P2RX6: variants seen among roughly 807,000 people sequenced by gnomAD.
P2RX6 encodes the protein P2X purinoceptor 6.
P2RX6 carries 62 observed loss-of-function variants against 54.2 expected under a neutral mutation model. The ratio of observed to expected loss-of-function variants is 1.14; its 90% CI spans 0.93 to 1.41. The LOEUF (loss-of-function observed/expected upper bound fraction) is 1.41, where lower values mean the gene tolerates loss of function less well. P2RX6 is among the 40% of genes most tolerant of loss of function. P2RX6 has a pLI of 0.00. For synonymous variants in P2RX6, 211 were observed against 231.9 expected (o/e 0.91, Z 0.82); for missense variants, 541 against 566.3 (o/e 0.96, Z 0.45).
intron 8 of P2RX6, among the ~76,000 whole-genome samples, chr22:21,024,498 G>A (rs1056788326): frequency 1.3e-5 from 2 of 151,760 alleles, no homozygotes; most frequent in East Asian, 1.9e-4. Flanking sequence ...GGATGGTCTC[G>A]ATCTCTTGAC....
chr22:21,015,975 G>C lies in P2RX6; in HGVS notation c.198G>C (p.Glu66Asp), dbSNP rs1006295179. 6 of 1,549,976 alleles carry C rather than the reference G, an allele frequency of 3.9e-6. No individual in the cohort carries two copies. Among genetic ancestry groups the C allele is most frequent in the Non-Finnish European group, 4.4e-6 (5 of 1,147,088 alleles). ...TCCTCGCCAAAAAAGGCTACCAGGA[G>C]CGGGACCTGGAACCCCAGTTTTCCA... ...WALLAKKGYQ[E>D]RDLEPQFSII... The change falls in exon 2 of 12, where the codon GAG becomes GAC. Residue 66 changes from glutamate to aspartate, a missense_variant. This residue lies in a region of P2RX6 where 526 missense variants were observed against 531.5 expected (regional missense o/e 0.99). Coordinates refer to ENST00000413302, the MANE Select transcript of P2RX6 (RefSeq NM_005446.5).
At chr22:21,012,662 G>C (rs187492807), upstream of P2RX6, 127 of 507,466 alleles carry the variant, frequency 2.5e-4, no homozygotes, top group African/African-American at 2.2e-3. Flanking sequence ...CGGCGCCCTG[G>C]GACAGACAGA....
intron 3 of P2RX6, among the ~76,000 whole-genome samples, chr22:21,019,116 T>C (rs1408570992): frequency 1.3e-5 from 2 of 152,172 alleles, no homozygotes; most frequent in Non-Finnish European, 2.9e-5. Context: ...GTTTGAACTA[T>C]TGGGACTCAG....
chr22:21,022,383 A>AT (rs1927559132), intron 3 of P2RX6, among the ~76,000 whole-genome samples: 1 of 152,130 alleles, frequency 6.6e-6, no homozygotes, highest in Non-Finnish European at 1.5e-5. Context: ...CTAAAAATAA[A>AT]TTTTTTGAAA....
intron 2 of P2RX6, among the ~76,000 whole-genome samples, chr22:21,016,311 G>A (rs1387945572): frequency 6.6e-6 from 1 of 152,182 alleles, no homozygotes; most frequent in African/African-American, 2.4e-5. Context: ...AAGAAGCCAG[G>A]CCAGGGTTGG....
chr22:21,017,058 C>CCCATG (rs1263317837), intron 2 of P2RX6, among the ~76,000 whole-genome samples: 2 of 152,174 alleles, frequency 1.3e-5, no homozygotes, highest in East Asian at 1.9e-4. Flanking sequence ...TTCACCACTA[C>CCCATG]CCATGCCATG....
At chr22:21,017,931 T>C (rs1438506627) in intron 2 of P2RX6, 58 bp from the exon 3 acceptor site, 1 of 1,105,292 alleles carries the variant, frequency 9.0e-7, no homozygotes, top group East Asian at 2.4e-5. Flanking sequence ...GCTGCCGGCT[T>C]CCGGCCTTTC....
chr22:21,013,520 A>G (rs2147991058), upstream of P2RX6, among the ~76,000 whole-genome samples: 1 of 152,338 alleles, frequency 6.6e-6, no homozygotes, highest in South Asian at 2.1e-4. Context: ...TGCAGAGTTC[A>G]AGGATGCAGT....
upstream of P2RX6, chr22:21,013,081 G>C (rs1925843215): frequency 6.2e-6 from 1 of 161,224 alleles, no homozygotes; most frequent in Non-Finnish European, 1.4e-5. Context: ...TCAGCTCTGG[G>C]GCACTCCCTT....
chr22:21,011,023 G>C (rs868089239), upstream of P2RX6, among the ~76,000 whole-genome samples: 1 of 152,034 alleles, frequency 6.6e-6, no homozygotes, highest in African/African-American at 2.4e-5. Flanking sequence ...TTTAAAGCAG[G>C]GGGTCCCCAT....
chr22:21,015,879 T>C (rs1190910006), intron 1 of P2RX6, 63 bp from the exon 2 acceptor site: 15 of 1,502,542 alleles, frequency 1.0e-5, no homozygotes, highest in South Asian at 3.8e-5. Context: ...CATGTAGGGC[T>C]CAGCTCCGCC....
At chr22:21,020,577 A>ATCTTTTTTTTTTTTT (rs71813933) in intron 3 of P2RX6, among the ~76,000 whole-genome samples, 1 of 145,720 alleles carries the variant, frequency 6.9e-6, no homozygotes, top group South Asian at 2.2e-4. Flanking sequence ...CTTGAGCAGA[A>ATCTTTTTTTTTTTTT]TCTTTTTTTT....
intron 3 of P2RX6, chr22:21,018,299 G>C: frequency 2.0e-6 from 1 of 508,152 alleles, no homozygotes. Flanking sequence ...CAGTGAGGTT[G>C]AGTCACTTTC....
At chr22:21,020,954 A>C (rs1927283669) in intron 3 of P2RX6, among the ~76,000 whole-genome samples, 1 of 152,030 alleles carries the variant, frequency 6.6e-6, no homozygotes, top group Non-Finnish European at 1.5e-5. Flanking sequence ...ATGTCGACAC[A>C]GAGGGGGCTT....
chr22:21,017,654 G>A (rs1369770058), intron 2 of P2RX6, among the ~76,000 whole-genome samples: 1 of 152,212 alleles, frequency 6.6e-6, no homozygotes, highest in Non-Finnish European at 1.5e-5. Context: ...GTTAGAGGTT[G>A]CAGTGAGCAC....
At chr22:21,012,111 G>A (rs1160519908), upstream of P2RX6, among the ~76,000 whole-genome samples, 2 of 152,134 alleles carry the variant, frequency 1.3e-5, no homozygotes, top group South Asian at 2.1e-4. Flanking sequence ...AGGTCACCCC[G>A]TTTTCTCAGT....
Position 21,026,449 on chromosome 22 carries a change from T to C in P2RX6, c.1158T>C (p.Ser386=). ...EAKAPKATAN[S]VWRELALASQ... is the part of the protein sequence containing the mutation. ...AGGCCCCGAAAGCAACCGCCAACTC[T>C]GTGTGGAGGGAGCTGGCCCTTGCAT... is the stretch of plus-strand genomic sequence containing the variant. The change falls in exon 12 of 12, where the codon TCT becomes TCC. Residue 386 remains serine, a synonymous_variant. Coordinates refer to ENST00000413302, the MANE Select transcript of P2RX6 (RefSeq NM_005446.5). The surrounding 1 kb of genome is among the most constrained non-coding windows in gnomAD (Gnocchi z 4.0). 6.2e-7 allele frequency: 1 copy of C among 1,603,660 alleles called. No individual in the cohort carries two copies. Among genetic ancestry groups the C allele is most frequent in the Non-Finnish European group, 8.5e-7 (1 of 1,175,558 alleles).
upstream of P2RX6, among the ~76,000 whole-genome samples, chr22:21,013,363 T>TC: frequency 6.6e-6 from 1 of 152,290 alleles, no homozygotes; most frequent in Non-Finnish European, 1.5e-5. Context: ...GCAACGCAAA[T>TC]CTTTTCCTTA....
chr22:21,024,956 C>G (rs1928165100), intron 8 of P2RX6, among the ~76,000 whole-genome samples: 1 of 147,192 alleles, frequency 6.8e-6, no homozygotes, highest in Non-Finnish European at 1.5e-5. Context: ...TCTCGGCTCA[C>G]TGCAATCTTT....
Sources: gnomAD v4.1 joint callset for allele counts (sites outside exome capture counted in the v4.1 genomes callset) on GRCh38, gnomAD v4.1.1 for gene constraint, gnomAD v4.1.1 regional missense constraint, Gnocchi (gnomAD v3.1) non-coding constraint, MANE v1.5 for transcripts, NCBI Gene and HGNC (gene_info 2026-07-23, HGNC 2026-07-21) for gene names.